LRRC8A: variants seen among roughly 807,000 people sequenced by gnomAD.
The protein encoded by LRRC8A is volume-regulated anion channel subunit LRRC8A.
LRRC8A carries 24 observed loss-of-function variants against 52.5 expected under a neutral mutation model. The ratio of observed to expected loss-of-function variants is 0.46; its 90% CI spans 0.33 to 0.64. The LOEUF (loss-of-function observed/expected upper bound fraction) is 0.64, where lower values mean the gene tolerates loss of function less well. LRRC8A is among the 30% of genes least tolerant of loss of function. The pLI is 0.02. For synonymous variants in LRRC8A, 492 were observed against 494.2 expected (o/e 1.00, Z 0.06); for missense variants, 677 against 1,094.7 (o/e 0.62, Z 5.38).
At chr9:128,906,692 A>C (rs1840265916) in intron 2 of LRRC8A, among the ~76,000 whole-genome samples, 1 of 152,040 alleles carries the variant, frequency 6.6e-6, no homozygotes, top group African/African-American at 2.4e-5. Context: ...TTCTTTCCTC[A>C]TATTTTGCGG....
chr9:128,904,334 C>T (rs1241779105), intron 2 of LRRC8A, among the ~76,000 whole-genome samples: 13 of 152,172 alleles, frequency 8.5e-5, no homozygotes, highest in African/African-American at 9.6e-5. Context: ...GCCTGGCCAA[C>T]GTGGCGAAAT....
In LRRC8A at chr9:128,916,512, C is replaced by A; in HGVS notation, c.*141C>A. 1 of 1,062,978 alleles carries A rather than the reference C, an allele frequency of 9.4e-7. No homozygotes were observed. The highest frequency in any genetic ancestry group is 1.7e-5 in the South Asian group (1 of 60,322). The allele number at this position is 1,062,978 out of a possible 1,614,324, so 65.8% of individuals were successfully genotyped here. A position where few individuals can be genotyped will look rare whatever the true frequency, so the allele number is the denominator to read the frequency against. On this transcript the variant is annotated 3_prime_UTR_variant, in exon 4 of 4. Transcript: ENST00000372600. The surrounding 1 kb of genome is among the most constrained non-coding windows in gnomAD (Gnocchi z 6.1). ...CAGGAGCCTGGGGCCGCTTGTGAGT[C>A]AGGCCAGAGCGAGAGGACAGTATCT...
At position 128,907,427 on chromosome 9, in the gene LRRC8A, C is replaced by T. The variant is rs200279236; in HGVS notation, c.263C>T (p.Pro88Leu). The T allele has an allele frequency of 3.9e-5, 63 of 1,613,478 alleles. No individual in the cohort carries two copies. The East Asian group carries it at 5.1e-4, about 13-fold the overall frequency. ...ACCTACCCCAACTCCACCATTCTGC[C>T]GACCCCTGACACGGGCCCCACAGGC... ...EPTYPNSTIL[P>L]TPDTGPTGIK... The change falls in exon 3 of 4, where the codon CCG becomes CTG. Residue 88 changes from proline to leucine, a missense_variant. Physicochemically the swap from Pro to Leu is moderately conservative, Grantham distance 98. Around this residue, in one of 4 missense-constraint regions of LRRC8A, gnomAD observed 54 missense variants for 49.7 expected, o/e 1.09. Transcript: ENST00000372600. This position sits in a 1 kb window ranked among gnomAD's most constrained non-coding sequence, Gnocchi z 9.3.
rs973663730 is a variant in LRRC8A, at chr9:128,916,486, G to A, written c.*115G>A. On this transcript the variant is annotated 3_prime_UTR_variant, in exon 4 of 4. Transcript: ENST00000372600. The surrounding 1 kb of genome is among the most constrained non-coding windows in gnomAD (Gnocchi z 6.1). ...ACAGCCAGGACAGCCTCGTGGCTGG[G>A]CAGGAGCCTGGGGCCGCTTGTGAGT... 5 of 1,339,894 alleles carry A rather than the reference G, an allele frequency of 3.7e-6. No individual in the cohort carries two copies. The African/African-American group carries it at 5.9e-5, about 16-fold the overall frequency. The allele number at this position is 1,339,894 out of a possible 1,614,324, so 83.0% of individuals were successfully genotyped here.
chr9:128,908,533 C>G lies in LRRC8A; in HGVS notation c.1369C>G (p.Pro457Ala). Reference protein sequence around the residue: ...ELEVLKLELIPDVTIPPSIAQ... With the variant: ...ELEVLKLELIADVTIPPSIAQ... The stretch of plus-strand genomic sequence containing the variant: ...GGAGGTCCTCAAGCTGGAGCTGATC[C>G]CCGACGTGACCATCCCGCCCAGCAT... Residue 457 changes from proline (P) to alanine (A), a missense_variant, in exon 3 of 4, where the codon CCC (proline) becomes GCC (alanine). By Grantham distance (27) the Pro-to-Ala change is conservative. This residue lies in a region of LRRC8A where 422 missense variants were observed against 741.5 expected (regional missense o/e 0.57). Coordinates refer to ENST00000372600, the MANE Select transcript of LRRC8A (RefSeq NM_019594.4). 6.2e-7 allele frequency: 1 copy of G among 1,612,798 alleles called. No individual in the cohort carries two copies. Among genetic ancestry groups the G allele is most frequent in the Non-Finnish European group, 8.5e-7 (1 of 1,179,956 alleles).
At position 128,896,728 on chromosome 9, in the gene LRRC8A, A is replaced by C. The variant is rs1032000181; in HGVS notation, c.-8-10429A>C. On this transcript the variant is annotated intron_variant, in intron 2 of 3. Coordinates refer to ENST00000372600, the MANE Select transcript of LRRC8A (RefSeq NM_019594.4). ...TCTTTTCTTTTTTCTTTCTTTCTTT[A>C]TTTTTTTCTTTGAGCCAGAGTCTTG... Among the ~76,000 whole-genome samples the C allele has an allele frequency of 4.0e-5, 6 of 149,628 alleles. No individual in the cohort carries two copies. The East Asian group carries it at 9.8e-4, about 24-fold the overall frequency.
At chr9:128,894,546 A>C (rs1452885865) in intron 2 of LRRC8A, among the ~76,000 whole-genome samples, 1 of 151,792 alleles carries the variant, frequency 6.6e-6, no homozygotes, top group Non-Finnish European at 1.5e-5. Flanking sequence ...TAATCCCAGC[A>C]CTTTGGGACA....
At chr9:128,883,097 G>A (rs987312672) in intron 1 of LRRC8A, among the ~76,000 whole-genome samples, 1 of 152,186 alleles carries the variant, frequency 6.6e-6, no homozygotes, top group Non-Finnish European at 1.5e-5. Flanking sequence ...GATGGGTCGG[G>A]GGTTGTCTGG....
chr9:128,900,430 T>C (rs1266336224), intron 2 of LRRC8A, among the ~76,000 whole-genome samples: 1 of 152,232 alleles, frequency 6.6e-6, no homozygotes, highest in Non-Finnish European at 1.5e-5. Flanking sequence ...ATTTGGGGGC[T>C]GGACGCAGTG....
chr9:128,908,586 G>A lies in LRRC8A; in HGVS notation c.1422G>A (p.Leu474=). 2.5e-6 allele frequency: 4 copies of A among 1,612,846 alleles called. No individual in the cohort carries two copies. Among genetic ancestry groups the A allele is most frequent in the Middle Eastern group, 1.7e-4 (1 of 6,060 alleles). ...CCCAGCTCACGGGCCTCAAGGAGCTGTGGCTCTACCACACAGCGGCCAAGA... is the reference window on the plus strand; with the variant it reads ...CCCAGCTCACGGGCCTCAAGGAGCTATGGCTCTACCACACAGCGGCCAAGA... ...SIAQLTGLKE[L]WLYHTAAKIE... Residue 474 remains leucine, a synonymous_variant, in exon 3 of 4, where the codon CTG becomes CTA. Transcript: ENST00000372600.
intron 3 of LRRC8A, among the ~76,000 whole-genome samples, chr9:128,912,432 G>T (rs972012048): frequency 3.0e-5 from 4 of 134,124 alleles, no homozygotes; most frequent in Admixed American, 1.8e-4. Context: ...AGTCCAGGAG[G>T]TTCTGGTGGG....
chr9:128,908,271 G>C lies in LRRC8A; in HGVS notation c.1107G>C (p.Lys369Asn). The change falls in exon 3 of 4, where the codon AAG (lysine) becomes AAC (asparagine). Residue 369 changes from lysine to asparagine, a missense_variant. This residue lies in a region of LRRC8A where 422 missense variants were observed against 741.5 expected (regional missense o/e 0.57). Coordinates refer to ENST00000372600, the MANE Select transcript of LRRC8A (RefSeq NM_019594.4). ...GCTACAGCGACATCCCCGACGTCAA[G>C]AACGACTTCGCCTTCATGCTGCACC... ...ESSYSDIPDV[K>N]NDFAFMLHLI... 1 of 1,614,144 alleles carries C rather than the reference G, an allele frequency of 6.2e-7. No individual in the cohort carries two copies. Among genetic ancestry groups the C allele is most frequent in the Non-Finnish European group, 8.5e-7 (1 of 1,180,038 alleles).
intron 3 of LRRC8A, among the ~76,000 whole-genome samples, chr9:128,915,576 C>T (rs1015979165): frequency 1.3e-5 from 2 of 152,242 alleles, no homozygotes; most frequent in African/African-American, 2.4e-5. Context: ...CCGCCCGCCT[C>T]AGCCTCCCAA....
At chr9:128,900,350 A>C (rs1435785369) in intron 2 of LRRC8A, among the ~76,000 whole-genome samples, 1 of 152,220 alleles carries the variant, frequency 6.6e-6, no homozygotes, top group Non-Finnish European at 1.5e-5. Flanking sequence ...CTAGGTGCTG[A>C]GGAGGTGGAA....
intron 1 of LRRC8A, among the ~76,000 whole-genome samples, chr9:128,884,324 C>A (rs747579908): frequency 6.6e-6 from 1 of 152,192 alleles, no homozygotes; most frequent in Admixed American, 6.6e-5. Context: ...TGGGCCAAGA[C>A]CTCTTGGAGA....
intron 3 of LRRC8A, 70 bp downstream of exon 3, chr9:128,909,391 T>G: frequency 6.9e-7 from 1 of 1,457,082 alleles, no homozygotes; most frequent in African/African-American, 1.4e-5. Flanking sequence ...GGTGGGGCAC[T>G]CGGCAGGCTC....
intron 2 of LRRC8A, among the ~76,000 whole-genome samples, chr9:128,903,903 CTG>C (rs1840132124): frequency 6.6e-6 from 1 of 152,146 alleles, no homozygotes; most frequent in Non-Finnish European, 1.5e-5. Context: ...TGGCGGGCGT[CTG>C]TAATCCCAGC....
intron 2 of LRRC8A, among the ~76,000 whole-genome samples, chr9:128,898,271 A>T (rs1330004894): frequency 6.6e-6 from 1 of 151,940 alleles, no homozygotes; most frequent in Non-Finnish European, 1.5e-5. Flanking sequence ...CCCAGGCTGG[A>T]GGGCAGTGGT....
rs759696740 is a variant in LRRC8A, at chr9:128,916,162, G to A, written c.2224G>A (p.Val742Met). 5 of 1,613,340 alleles carry A rather than the reference G, an allele frequency of 3.1e-6. No individual in the cohort carries two copies. The highest frequency in any genetic ancestry group is 1.7e-5 in the Admixed American group (1 of 60,028). Reference protein sequence around the residue: ...KLRALHLGNNVLQSLPSRVGE... With the variant: ...KLRALHLGNNMLQSLPSRVGE... ...GCGGGCCCTGCACCTGGGCAACAAC[G>A]TGCTGCAGTCACTGCCCTCCAGGGT... is the stretch of plus-strand genomic sequence containing the variant. The change falls in exon 4 of 4, where the codon GTG becomes ATG. Residue 742 changes from valine to methionine, a missense_variant. By Grantham distance (21) the Val-to-Met change is conservative (BLOSUM62 1). Around this residue, in one of 4 missense-constraint regions of LRRC8A, gnomAD observed 169 missense variants for 217.6 expected, o/e 0.78. Coordinates refer to ENST00000372600, the MANE Select transcript of LRRC8A (RefSeq NM_019594.4). This position sits in a 1 kb window ranked among gnomAD's most constrained non-coding sequence, Gnocchi z 6.1.
Sources: gnomAD v4.1 joint callset for allele counts (sites outside exome capture counted in the v4.1 genomes callset) on GRCh38, gnomAD v4.1.1 for gene constraint, gnomAD v4.1.1 regional missense constraint, Gnocchi (gnomAD v3.1) non-coding constraint, MANE v1.5 for transcripts, NCBI Gene and HGNC (gene_info 2026-07-23, HGNC 2026-07-21) for gene names.